Variants in ZFHX3 observed in about 807,000 individuals in gnomAD.
ZFHX3 encodes zinc finger homeobox 3, also known as zinc finger homeobox protein 3.
Under a neutral mutation model 279.1 loss-of-function variants are expected in ZFHX3, and 42 were observed. The observed-to-expected ratio is 0.15, with a 90% CI of 0.12 to 0.19. The LOEUF is 0.19. Among genes scored for constraint, ZFHX3 ranks in the 10% least tolerant of loss-of-function variants. The pLI, the probability that ZFHX3 is intolerant of heterozygous loss-of-function variation, is 1.00. For missense variants in ZFHX3, 4,981 were observed against 4,754.0 expected (o/e 1.05, Z -1.40); for synonymous variants, 2,293 against 1,957.8 (o/e 1.17, Z -4.52).
At chr16:73,751,621 A>C (rs1055675260) in intron 1 of ZFHX3, among the ~76,000 whole-genome samples, 16 of 152,244 alleles carry the variant, frequency 1.1e-4, no homozygotes, top group Non-Finnish European at 1.6e-4. Flanking sequence ...TTAAATAAAA[A>C]TAAAATGATT....
At chr16:73,292,990 T>C (rs935183944) in intron 4 of ZFHX3, among the ~76,000 whole-genome samples, 1 of 152,162 alleles carries the variant, frequency 6.6e-6, no homozygotes, top group African/African-American at 2.4e-5. Flanking sequence ...GCATCTACCA[T>C]GGAGGCAAGT....
intron 3 of ZFHX3, among the ~76,000 whole-genome samples, chr16:73,329,987 G>A (rs906039246): frequency 3.3e-5 from 5 of 152,156 alleles, no homozygotes; most frequent in African/African-American, 1.2e-4. Flanking sequence ...CTTTCACAGG[G>A]GCTGGGTTGT....
rs180768290 is a variant in ZFHX3, at chr16:73,846,700, C to T, written c.-1608+44951G>A. On this transcript the variant is annotated intron_variant, in intron 1 of 17. Coordinates refer to the ZFHX3 transcript ENST00000641206. ...CATGAGAAAACGTGTGATATTCCTA[C>T]GGTGGAAGCTCAGGCCTCTCATTCT... Among the ~76,000 whole-genome samples the T allele has an allele frequency of 3.9e-3, 600 of 152,216 alleles. 3 individuals carry two copies. Among genetic ancestry groups the T allele is most frequent in the Middle Eastern group, 0.01 (3 of 294 alleles).
At chr16:73,344,824 A>C (rs949993578) in intron 3 of ZFHX3, among the ~76,000 whole-genome samples, 4 of 152,228 alleles carry the variant, frequency 2.6e-5, no homozygotes, top group Non-Finnish European at 5.9e-5. Flanking sequence ...AGAGTATGTC[A>C]GTAATTTTTC....
intron 7 of ZFHX3, among the ~76,000 whole-genome samples, chr16:73,111,085 T>G (rs1966367647): frequency 6.6e-6 from 1 of 151,980 alleles, no homozygotes; most frequent in African/African-American, 2.4e-5. Flanking sequence ...GGAGTACAGG[T>G]GCGCACCACC....
At chr16:73,659,871 A>G (rs993625691) in intron 2 of ZFHX3, among the ~76,000 whole-genome samples, 6 of 152,178 alleles carry the variant, frequency 3.9e-5, no homozygotes, top group African/African-American at 1.4e-4. Context: ...GCCATTTAAT[A>G]AAAATAGAGC....
chr16:73,851,505 A>G (rs1314814187), intron 1 of ZFHX3, among the ~76,000 whole-genome samples: 1 of 152,190 alleles, frequency 6.6e-6, no homozygotes, highest in East Asian at 1.9e-4. Flanking sequence ...CTGTTTTCTC[A>G]TTTGCTAAAT....
intron 7 of ZFHX3, among the ~76,000 whole-genome samples, chr16:73,104,094 C>G (rs986491034): frequency 6.6e-6 from 1 of 151,994 alleles, no homozygotes; most frequent in Non-Finnish European, 1.5e-5. Context: ...ATGCACCGAT[C>G]TCCATCCAGA....
chr16:73,804,921 A>AGAGG (rs1567416086), intron 1 of ZFHX3, among the ~76,000 whole-genome samples: 1 of 65,052 alleles, frequency 1.5e-5, no homozygotes, highest in Non-Finnish European at 3.0e-5. Flanking sequence ...GAGGGGAGGG[A>AGAGG]GAGGGAGGGA....
chr16:72,980,006 A>C (rs1597048460), intron 1 of ZFHX3, among the ~76,000 whole-genome samples: 2 of 152,242 alleles, frequency 1.3e-5, no homozygotes, highest in Non-Finnish European at 2.9e-5. Context: ...GACTAGGTGC[A>C]AGTAGGGCGT....
chr16:73,321,855 G>A (rs2015581502), intron 3 of ZFHX3, among the ~76,000 whole-genome samples: 1 of 152,082 alleles, frequency 6.6e-6, no homozygotes, highest in South Asian at 2.1e-4. Context: ...AAGACAGAGA[G>A]AGAGAGAGAG....
chr16:73,237,584 C>T (rs1597235677), intron 5 of ZFHX3, among the ~76,000 whole-genome samples: 1 of 123,636 alleles, frequency 8.1e-6, no homozygotes, highest in East Asian at 2.5e-4. Context: ...GTAGCTTGAG[C>T]TAGTATTGAA....
At chr16:72,821,631 C>A (rs2036793550) in intron 5 of ZFHX3, among the ~76,000 whole-genome samples, 1 of 152,186 alleles carries the variant, frequency 6.6e-6, no homozygotes, top group African/African-American at 2.4e-5. Context: ...GGTAATAAAG[C>A]ACAATATTTT....
At chr16:73,634,261 T>C (rs935966734) in intron 2 of ZFHX3, among the ~76,000 whole-genome samples, 6 of 151,644 alleles carry the variant, frequency 4.0e-5, no homozygotes, top group African/African-American at 1.5e-4. Flanking sequence ...TATTTTCTTC[T>C]CTGCCAAAAA....
At chr16:72,928,561 TA>T (rs1479842178) in intron 3 of ZFHX3, among the ~76,000 whole-genome samples, 2 of 152,140 alleles carry the variant, frequency 1.3e-5, no homozygotes, top group African/African-American at 4.8e-5. Flanking sequence ...GCTCCACAGA[TA>T]AGCAAGAACC....
At chr16:73,660,393 A>T (rs2142174494) in intron 2 of ZFHX3, among the ~76,000 whole-genome samples, 1 of 152,354 alleles carries the variant, frequency 6.6e-6, no homozygotes, top group Non-Finnish European at 1.5e-5. Context: ...ATTACTGTGT[A>T]TGAACCAGAA....
At chr16:73,545,514 G>A (rs2020093748) in intron 2 of ZFHX3, among the ~76,000 whole-genome samples, 1 of 152,108 alleles carries the variant, frequency 6.6e-6, no homozygotes, top group Non-Finnish European at 1.5e-5. Context: ...TTGCACTATA[G>A]GCCATTCATG....
chr16:73,306,734 T>C (rs1294667109), intron 4 of ZFHX3, among the ~76,000 whole-genome samples: 1 of 152,216 alleles, frequency 6.6e-6, no homozygotes, highest in African/African-American at 2.4e-5. Context: ...CCAATTTACC[T>C]CTGGGCCCAG....
intron 3 of ZFHX3, among the ~76,000 whole-genome samples, chr16:72,948,005 G>A (rs1007837369): frequency 2.0e-5 from 3 of 152,236 alleles, no homozygotes; most frequent in East Asian, 3.8e-4. Flanking sequence ...GAAACCTTGA[G>A]AGGGAGCCTT....
Sources: gnomAD v4.1 joint callset for allele counts (sites outside exome capture counted in the v4.1 genomes callset) on GRCh38, gnomAD v4.1.1 for gene constraint, MANE v1.5 for transcripts, NCBI Gene and HGNC (gene_info 2026-07-23, HGNC 2026-07-21) for gene names.